The following LRP1B variants were observed in gnomAD, a reference collection of about 807,000 sequenced individuals.
LRP1B encodes the protein LDL receptor related protein 1B, also known as low-density lipoprotein receptor-related protein 1B.
In LRP1B, 217 loss-of-function variants were observed where a neutral mutation model predicts 556.6. The ratio of observed to expected loss-of-function variants is 0.39; its 90% confidence interval spans 0.35 to 0.44. LRP1B has a LOEUF of 0.44. LRP1B is among the 20% of genes least tolerant of loss of function. The pLI is 1.00. For synonymous variants in LRP1B, 2,047 were observed against 1,865.8 expected (o/e 1.10, Z -2.50); for missense variants, 5,053 against 5,620.8 (o/e 0.90, Z 3.23).
chr2:140,572,992 A>G (rs933813277), intron 43 of LRP1B, among the ~76,000 whole-genome samples: 5 of 151,804 alleles, frequency 3.3e-5, no homozygotes, highest in Admixed American at 3.3e-4. Context: ...TGGTTACTAG[A>G]GGGTGGCAGA....
intron 11 of LRP1B, among the ~76,000 whole-genome samples, chr2:141,043,889 C>T (rs1967616): frequency 0.7 from 106,778 of 151,732 alleles, 39,402 homozygotes; most frequent in East Asian, 0.92. Context: ...AAGCTACCAA[C>T]GCCTTTCTTC....
intron 2 of LRP1B, among the ~76,000 whole-genome samples, chr2:141,555,779 T>TTATA (rs1685940503): frequency 6.6e-6 from 1 of 151,808 alleles, no homozygotes; most frequent in Non-Finnish European, 1.5e-5. Context: ...GCACTGTATT[T>TTATA]TATATATATT....
intron 7 of LRP1B, among the ~76,000 whole-genome samples, chr2:141,184,112 T>C (rs1681130003): frequency 6.6e-6 from 1 of 152,078 alleles, no homozygotes; most frequent in Non-Finnish European, 1.5e-5. Context: ...AGTTTGATAT[T>C]GAAGCAGTGT....
chr2:141,528,371 T>C (rs1195439971), intron 2 of LRP1B, among the ~76,000 whole-genome samples: 4 of 152,002 alleles, frequency 2.6e-5, no homozygotes, highest in Non-Finnish European at 5.9e-5. Context: ...ACTACATTGC[T>C]ATTCATAGAA....
At chr2:140,811,292 A>T (rs1473781877) in intron 32 of LRP1B, among the ~76,000 whole-genome samples, 31 of 152,002 alleles carry the variant, frequency 2.0e-4, no homozygotes, top group Admixed American at 2.0e-3. Context: ...TAACATCTTT[A>T]TTTTTTGCTA....
At chr2:141,530,175 A>G (rs985031787) in intron 2 of LRP1B, among the ~76,000 whole-genome samples, 8 of 152,162 alleles carry the variant, frequency 5.3e-5, no homozygotes, top group African/African-American at 1.4e-4. Flanking sequence ...GCACTATTTT[A>G]TAAGTAATAC....
At chr2:140,538,375 T>C (rs562438501) in intron 45 of LRP1B, among the ~76,000 whole-genome samples, 1 of 152,190 alleles carries the variant, frequency 6.6e-6, no homozygotes, top group South Asian at 2.1e-4. Flanking sequence ...GTCCACCGTC[T>C]TTCTCTCCCC....
At chr2:141,847,809 G>C (rs972638851) in intron 1 of LRP1B, among the ~76,000 whole-genome samples, 8 of 151,502 alleles carry the variant, frequency 5.3e-5, no homozygotes, top group African/African-American at 1.9e-4. Context: ...GTGAAGGTTT[G>C]AAACCTTAAA....
In LRP1B at chr2:141,220,131, G is replaced by A. The variant is rs543275535; in HGVS notation, c.850+9052C>T. Among the ~76,000 whole-genome samples the A allele has an allele frequency of 7.2e-5, 11 of 152,224 alleles. No homozygotes were observed. The South Asian group carries it at 1.0e-3, about 14-fold the overall frequency. ...CAGAAGGTGCGTAATAATGAACTTC[G>A]CTGAGCTAAAGGAGTTCTAAACCAA... On this transcript the variant is annotated intron_variant, in intron 6 of 90. Transcript: ENST00000389484.
chr2:140,397,993 G>C (rs1308803788), intron 66 of LRP1B, among the ~76,000 whole-genome samples: 1 of 152,010 alleles, frequency 6.6e-6, no homozygotes, highest in Non-Finnish European at 1.5e-5. Context: ...TATTCTTTCT[G>C]ATTGACATCC....
intron 1 of LRP1B, among the ~76,000 whole-genome samples, chr2:141,935,376 T>A (rs926099421): frequency 3.3e-5 from 5 of 152,190 alleles, no homozygotes; most frequent in Non-Finnish European, 5.9e-5. Context: ...GTGTTTTAAG[T>A]TATTCATTAT....
At chr2:140,538,775 T>A (rs1157402541) in intron 45 of LRP1B, among the ~76,000 whole-genome samples, 1 of 152,118 alleles carries the variant, frequency 6.6e-6, no homozygotes, top group Non-Finnish European at 1.5e-5. Context: ...TGACTTATTT[T>A]TCCTATTTTA....
chr2:142,054,484 A>G (rs1704586840), intron 1 of LRP1B, among the ~76,000 whole-genome samples: 1 of 152,032 alleles, frequency 6.6e-6, no homozygotes, highest in African/African-American at 2.4e-5. Flanking sequence ...CATATATGCT[A>G]TGTTCTTCCT....
At chr2:141,108,337 T>TC (rs1259105271) in intron 7 of LRP1B, among the ~76,000 whole-genome samples, 2 of 85,850 alleles carry the variant, frequency 2.3e-5, no homozygotes, top group East Asian at 2.4e-4. Context: ...TCTGTTTCTT[T>TC]TTTTTTTTTT....
intron 1 of LRP1B, among the ~76,000 whole-genome samples, chr2:141,837,249 G>T (rs1697316060): frequency 6.6e-6 from 1 of 151,794 alleles, no homozygotes; most frequent in African/African-American, 2.4e-5. Flanking sequence ...TCATCAAAGG[G>T]GTTTTTATAA....
At chr2:142,007,506 A>G (rs1702837892) in intron 1 of LRP1B, among the ~76,000 whole-genome samples, 1 of 152,190 alleles carries the variant, frequency 6.6e-6, no homozygotes, top group East Asian at 1.9e-4. Flanking sequence ...TCACCTACAG[A>G]ATACGAATGG....
At chr2:141,901,783 A>C (rs78293574) in intron 1 of LRP1B, among the ~76,000 whole-genome samples, 13,503 of 151,976 alleles carry the variant, frequency 0.089, 751 homozygotes, top group Middle Eastern at 0.2. Flanking sequence ...AGTAGGCCCC[A>C]CTTCTACAGA....
chr2:141,268,516 G>A (rs1033937130), intron 3 of LRP1B, among the ~76,000 whole-genome samples: 1 of 152,084 alleles, frequency 6.6e-6, no homozygotes, highest in Admixed American at 6.6e-5. Context: ...TGATATGAAT[G>A]TCACTCAATG....
intron 2 of LRP1B, among the ~76,000 whole-genome samples, chr2:141,758,950 A>T (rs1166582314): frequency 6.6e-6 from 1 of 152,170 alleles, no homozygotes; most frequent in East Asian, 1.9e-4. Context: ...ATGTTCAAAT[A>T]GTAAGATTTA....
Sources: gnomAD v4.1 joint callset for allele counts (sites outside exome capture counted in the v4.1 genomes callset) on GRCh38, gnomAD v4.1.1 for gene constraint, MANE v1.5 for transcripts, NCBI Gene and HGNC (gene_info 2026-07-23, HGNC 2026-07-21) for gene names.